FSIP1: variants seen among roughly 807,000 people sequenced by gnomAD.
FSIP1 encodes the protein fibrous sheath interacting protein 1, also known as fibrous sheath-interacting protein 1.
A neutral mutation model predicts 60.9 loss-of-function variants in FSIP1; 65 were observed. The ratio of observed to expected loss-of-function variants is 1.07; its 90% CI spans 0.87 to 1.31. The LOEUF is 1.31. FSIP1 is among the 40% of genes most tolerant of loss of function. The probability of loss-of-function intolerance (pLI) is 0.00; values close to 1 mark genes in which losing one functional copy is unlikely to be tolerated. For missense variants in FSIP1, 675 were observed against 665.5 expected, an observed-to-expected ratio of 1.01 and a Z score of -0.16; for synonymous variants, 209 against 221.2, an observed-to-expected ratio of 0.94 and a Z score of 0.49.
At chr15:39,759,618 T>C (rs1897424878) in intron 5 of FSIP1, among the ~76,000 whole-genome samples, 1 of 152,150 alleles carries the variant, frequency 6.6e-6, no homozygotes, top group Non-Finnish European at 1.5e-5. Flanking sequence ...ACCACAAACT[T>C]GGTGGCTTCA....
chr15:39,601,023 C>T (rs1338167350), intron 11 of FSIP1, 97 bp from the exon 12 acceptor site: 3 of 900,506 alleles, frequency 3.3e-6, no homozygotes, highest in African/African-American at 3.4e-5. Flanking sequence ...AATCCCTTTA[C>T]ACATGAGGCA....
At chr15:39,694,822 T>TA (rs200392359) in intron 10 of FSIP1, among the ~76,000 whole-genome samples, 22 of 151,160 alleles carry the variant, frequency 1.5e-4, no homozygotes, top group Non-Finnish European at 2.4e-4. Context: ...AAATAAAAAA[T>TA]AAAAAAAAGA....
chr15:39,735,411 CA>C (rs1443794076), intron 8 of FSIP1, among the ~76,000 whole-genome samples: 1 of 152,110 alleles, frequency 6.6e-6, no homozygotes, highest in Non-Finnish European at 1.5e-5. Flanking sequence ...TGAATCTAAA[CA>C]TATTACAACA....
intron 10 of FSIP1, among the ~76,000 whole-genome samples, chr15:39,619,431 C>T (rs1427707975): frequency 6.6e-6 from 1 of 151,918 alleles, no homozygotes; most frequent in African/African-American, 2.4e-5. Flanking sequence ...ATTTGGAATT[C>T]AAAATTCAGG....
chr15:39,737,957 A>AGG, intron 8 of FSIP1, 134 bp downstream of exon 8: 2 of 566,866 alleles, frequency 3.5e-6, no homozygotes, highest in East Asian at 5.9e-5. Context: ...TTAGTAAAAC[A>AGG]GGGTTTTTTT....
intron 10 of FSIP1, among the ~76,000 whole-genome samples, chr15:39,622,950 G>A (rs1335831902): frequency 1.3e-5 from 2 of 151,802 alleles, no homozygotes; most frequent in Admixed American, 6.6e-5. Context: ...TTGTGTGTAC[G>A]TTTTATGCAA....
At chr15:39,766,485 G>A (rs973898894) in intron 3 of FSIP1, among the ~76,000 whole-genome samples, 2 of 152,108 alleles carry the variant, frequency 1.3e-5, no homozygotes, top group Non-Finnish European at 2.9e-5. Context: ...CTCTGAGGTG[G>A]TATAATCACT....
In FSIP1 at chr15:39,661,671, A is replaced by G. The variant is rs1306219517; in HGVS notation, c.1189-43426T>C. On this transcript the variant is annotated intron_variant, in intron 10 of 11. Transcript: ENST00000350221. ...CAAAGCACTATGGGTTTGGTTATAGATTGCAGAACTAATTAACTTTATTAC... is the reference window on the plus strand; with the variant it reads ...CAAAGCACTATGGGTTTGGTTATAGGTTGCAGAACTAATTAACTTTATTAC... 4.6e-5 allele frequency among the ~76,000 whole-genome samples: 7 copies of G among 152,338 alleles called. No individual in the cohort carries two copies. The South Asian group carries it at 1.2e-3, about 27-fold the overall frequency.
chr15:39,645,765 G>C (rs1385302440), intron 10 of FSIP1, among the ~76,000 whole-genome samples: 1 of 152,230 alleles, frequency 6.6e-6, no homozygotes, highest in Non-Finnish European at 1.5e-5. Flanking sequence ...AGGCTCAGGG[G>C]TGTCTGCTCC....
At chr15:39,762,479 C>G (rs1409916217) in intron 5 of FSIP1, among the ~76,000 whole-genome samples, 1 of 152,192 alleles carries the variant, frequency 6.6e-6, no homozygotes, top group Non-Finnish European at 1.5e-5. Context: ...GACCCTGTTT[C>G]CAAATAAAGA....
At chr15:39,716,123 A>T (rs988133102) in intron 9 of FSIP1, among the ~76,000 whole-genome samples, 26 of 152,146 alleles carry the variant, frequency 1.7e-4, no homozygotes, top group African/African-American at 6.3e-4. Context: ...AAGGAAATCT[A>T]ATGTTAGGGG....
intron 10 of FSIP1, among the ~76,000 whole-genome samples, chr15:39,660,991 G>T (rs895419463): frequency 1.2e-4 from 19 of 152,212 alleles, no homozygotes; most frequent in African/African-American, 4.6e-4. Context: ...TGAACCCAGG[G>T]ATGGAGGTTT....
chr15:39,721,774 G>A (rs747409023), intron 9 of FSIP1, among the ~76,000 whole-genome samples: 13 of 152,094 alleles, frequency 8.5e-5, no homozygotes, highest in African/African-American at 2.7e-4. Context: ...ATCTCAATTC[G>A]GTAATTGTCA....
chr15:39,648,309 TATAAG>T (rs1170087356), intron 10 of FSIP1, among the ~76,000 whole-genome samples: 18 of 152,108 alleles, frequency 1.2e-4, no homozygotes, highest in East Asian at 5.8e-4. Context: ...TCTACCTTAA[TATAAG>T]ATATTTGCCA....
Position 39,767,540 on chromosome 15 carries a change from A to T in FSIP1, c.311-1794T>A, listed in dbSNP as rs377100946. ...AGTGAGAACAGGCACTCCTATTTTC[A>T]TGCCCAAATGTTGCATTTTCCAAGC... On this transcript the variant is annotated intron_variant, in intron 3 of 11. Transcript: ENST00000350221. Among the ~76,000 whole-genome samples, 15 of 152,290 alleles carry T rather than the reference A, an allele frequency of 9.8e-5. No homozygotes were observed. In the East Asian group the frequency reaches 1.9e-3, roughly 20 times the overall value.
chr15:39,754,598 C>A (rs1054266019), intron 5 of FSIP1, among the ~76,000 whole-genome samples: 1 of 151,464 alleles, frequency 6.6e-6, no homozygotes, highest in Non-Finnish European at 1.5e-5. Flanking sequence ...ATTTGGGGAA[C>A]TCAAGGAAGA....
intron 5 of FSIP1, among the ~76,000 whole-genome samples, chr15:39,761,968 T>C (rs1042690532): frequency 6.6e-6 from 1 of 152,196 alleles, no homozygotes; most frequent in Non-Finnish European, 1.5e-5. Flanking sequence ...TGCTCCACTA[T>C]GAATGGGGCC....
At chr15:39,716,354 T>A (rs1036612825) in intron 9 of FSIP1, among the ~76,000 whole-genome samples, 1 of 152,240 alleles carries the variant, frequency 6.6e-6, no homozygotes, top group African/African-American at 2.4e-5. Context: ...AAAAAAATTA[T>A]AAGTTGCACT....
intron 10 of FSIP1, among the ~76,000 whole-genome samples, chr15:39,691,148 A>G (rs1894584783): frequency 6.6e-6 from 1 of 152,220 alleles, no homozygotes; most frequent in African/African-American, 2.4e-5. Context: ...ACTCATTTGC[A>G]CTATATTTGC....
Sources: gnomAD v4.1 joint callset for allele counts (sites outside exome capture counted in the v4.1 genomes callset) on GRCh38, gnomAD v4.1.1 for gene constraint, MANE v1.5 for transcripts, NCBI Gene and HGNC (gene_info 2026-07-23, HGNC 2026-07-21) for gene names.